RORA: variants seen among roughly 807,000 people sequenced by gnomAD.
The protein encoded by RORA is nuclear receptor ROR-alpha.
In RORA, 7 loss-of-function variants were observed where a neutral mutation model predicts 69.5. The observed-to-expected ratio is 0.10, with a 90% CI of 0.06 to 0.19. The LOEUF is 0.19. Ranked by LOEUF, RORA falls within the 10% of genes least tolerant of loss-of-function variation. The pLI, the probability that RORA is intolerant of heterozygous loss-of-function variation, is 1.00. For synonymous variants in RORA, 261 were observed against 240.8 expected (o/e 1.08, Z -0.78); for missense variants, 457 against 663.0 (o/e 0.69, Z 3.41).
chr15:60,554,651 A>G (rs900268464), intron 2 of RORA, among the ~76,000 whole-genome samples: 1 of 152,200 alleles, frequency 6.6e-6, no homozygotes, highest in African/African-American at 2.4e-5. Context: ...ATTATCCTAG[A>G]ACTCTAGCTA....
At chr15:60,814,626 G>A (rs2072785175) in intron 1 of RORA, among the ~76,000 whole-genome samples, 1 of 152,122 alleles carries the variant, frequency 6.6e-6, no homozygotes. Context: ...GGATGCTGAG[G>A]AATTGCTGGG....
At position 61,165,805 on chromosome 15, in the gene RORA, G is replaced by C. The variant is rs530757453; in HGVS notation, c.166+63248C>G. 2.0e-5 allele frequency among the ~76,000 whole-genome samples: 3 copies of C among 152,314 alleles called. No homozygotes were observed. The South Asian group carries it at 6.2e-4, about 32-fold the overall frequency. On this transcript the variant is annotated intron_variant, in intron 1 of 10. Coordinates refer to ENST00000335670, the MANE Select transcript of RORA (RefSeq NM_134261.3). ...GGCATGTGGAAATCTCAAACACAGAGGCCTGCCTTACAAACATTAATAATA... is the reference window on the plus strand; with the variant it reads ...GGCATGTGGAAATCTCAAACACAGACGCCTGCCTTACAAACATTAATAATA...
rs1048847205 is a variant in RORA, at chr15:60,489,761, C to G, written c.*7694G>C. On this transcript the variant is annotated 3_prime_UTR_variant, in exon 11 of 11. Transcript: ENST00000335670. ...AAGGTTTATTCTGCCATCAAGCCAT[C>G]TAGGATATTTTATGTAAATGCCCAT... 2 of 152,062 alleles carry G rather than the reference C, an allele frequency of 1.3e-5. No homozygotes were observed. The highest frequency in any genetic ancestry group is 2.9e-5 in the Non-Finnish European group (2 of 68,012). 9.4% of individuals were successfully genotyped at this position (152,062 alleles called of 1,614,324 possible).
rs574600877 is a variant in RORA at position 61,117,422 on chromosome 15, A to T, written c.166+111631T>A. Reference sequence around the variant, plus strand: ...TTTTTACTTTAATCCAATTCTTTCCACTCCTACAAATTGCTGAACTTGTAC... The same window carrying T: ...TTTTTACTTTAATCCAATTCTTTCCTCTCCTACAAATTGCTGAACTTGTAC... On this transcript the variant is annotated intron_variant, in intron 1 of 10. Coordinates refer to ENST00000335670, the MANE Select transcript of RORA (RefSeq NM_134261.3). 8.5e-5 allele frequency among the ~76,000 whole-genome samples: 13 copies of T among 152,194 alleles called. 1 individual carries two copies. Among genetic ancestry groups the T allele is most frequent in the Admixed American group, 5.2e-4 (8 of 15,294 alleles).
chr15:61,189,627 G>T (rs1206119504), intron 1 of RORA, among the ~76,000 whole-genome samples: 1 of 152,038 alleles, frequency 6.6e-6, no homozygotes, highest in African/African-American at 2.4e-5. Flanking sequence ...GGAGGCCGAG[G>T]TAGGCAGATC....
At chr15:60,819,426 A>G (rs1469304222) in intron 1 of RORA, among the ~76,000 whole-genome samples, 1 of 152,196 alleles carries the variant, frequency 6.6e-6, no homozygotes, top group East Asian at 1.9e-4. Context: ...TCTCCTGAAA[A>G]TACTAGGTAA....
chr15:61,110,506 A>G (rs981087061), intron 1 of RORA, among the ~76,000 whole-genome samples: 28 of 152,164 alleles, frequency 1.8e-4, no homozygotes, highest in Middle Eastern at 3.4e-3. Flanking sequence ...TCATATTGTC[A>G]TTTTAGAGTG....
intron 1 of RORA, among the ~76,000 whole-genome samples, chr15:60,758,534 CCT>C (rs1277455233): frequency 6.6e-6 from 1 of 152,070 alleles, no homozygotes; most frequent in East Asian, 1.9e-4. Flanking sequence ...AGGCTGGAGA[CCT>C]CTCTGTTTTC....
intron 1 of RORA, among the ~76,000 whole-genome samples, chr15:60,732,858 C>G (rs1469976940): frequency 6.6e-6 from 1 of 151,510 alleles, no homozygotes; most frequent in East Asian, 1.9e-4. Context: ...TCTATAAAGA[C>G]TATCCTGTTA....
intron 1 of RORA, among the ~76,000 whole-genome samples, chr15:60,996,663 C>T (rs962714671): frequency 6.6e-5 from 10 of 152,140 alleles, no homozygotes; most frequent in African/African-American, 2.4e-4. Context: ...GTAATCCCAG[C>T]ACTTTAGGAG....
chr15:60,919,911 T>C (rs1595816943), intron 1 of RORA, among the ~76,000 whole-genome samples: 1 of 152,222 alleles, frequency 6.6e-6, no homozygotes, highest in East Asian at 1.9e-4. Flanking sequence ...AATAAACAAA[T>C]AATAATCTTC....
rs538144831 is a variant in RORA at position 60,805,818 on chromosome 15, A to C, written c.167-127132T>G. 2.6e-5 allele frequency among the ~76,000 whole-genome samples: 4 copies of C among 152,316 alleles called. No homozygotes were observed. In the East Asian group the frequency reaches 7.7e-4, roughly 29 times the overall value. On this transcript the variant is annotated intron_variant, in intron 1 of 10. Transcript: ENST00000335670. ...GTGTCAGTTTCCAATTCTGCCAACT[A>C]AGAGGGTCATTTCAATGCCTTCCAA... is the stretch of plus-strand genomic sequence containing the variant.
intron 1 of RORA, among the ~76,000 whole-genome samples, chr15:60,861,602 C>T (rs1249404024): frequency 1.3e-5 from 2 of 152,172 alleles, no homozygotes; most frequent in East Asian, 1.9e-4. Flanking sequence ...GATCTCTCTG[C>T]CTTAGCCTCA....
intron 1 of RORA, among the ~76,000 whole-genome samples, chr15:60,809,235 T>G (rs1431835546): frequency 6.6e-6 from 1 of 152,164 alleles, no homozygotes; most frequent in East Asian, 1.9e-4. Context: ...ATTCCACACA[T>G]CCTAAAAATG....
At chr15:61,119,563 C>G (rs896543224) in intron 1 of RORA, among the ~76,000 whole-genome samples, 1 of 151,914 alleles carries the variant, frequency 6.6e-6, no homozygotes, top group African/African-American at 2.4e-5. Context: ...CCTGTCATGG[C>G]CCCCCAAAAT....
In RORA at chr15:60,883,150, A is replaced by AG. The variant is rs1567224618; in HGVS notation, c.167-204465_167-204464insC. Among the ~76,000 whole-genome samples, 6 of 48,622 alleles carry AG rather than the reference A, an allele frequency of 1.2e-4. No homozygotes were observed. In the East Asian group the frequency reaches 5.7e-3, roughly 46 times the overall value. 31.9% of individuals were successfully genotyped at this position (48,622 alleles called of 152,430 possible). On this transcript the variant is annotated intron_variant, in intron 1 of 10. Coordinates refer to ENST00000335670, the MANE Select transcript of RORA (RefSeq NM_134261.3). ...CGTCTCAAAAAAAAAAAAAAAAAAAAAGAAAGAGAGAGAGAGAGAGAGAGA... is the reference window on the plus strand; with the variant it reads ...CGTCTCAAAAAAAAAAAAAAAAAAAAGAGAAAGAGAGAGAGAGAGAGAGAGA...
At chr15:61,040,483 A>G (rs28648966) in intron 1 of RORA, among the ~76,000 whole-genome samples, 42,704 of 151,702 alleles carry the variant, frequency 0.28, 7,496 homozygotes, top group East Asian at 0.6. Context: ...TACATGTAAT[A>G]CTGATCTTTT....
At position 61,006,364 on chromosome 15, in the gene RORA, CTCTTT is replaced by C. The variant is rs544329518; in HGVS notation, c.166+222684_166+222688del. Among the ~76,000 whole-genome samples, 44 of 152,174 alleles carry C rather than the reference CTCTTT, an allele frequency of 2.9e-4. 1 individual carries two copies. Among genetic ancestry groups the C allele is most frequent in the African/African-American group, 1.0e-3 (43 of 41,512 alleles). ...ACTAAGAAAAAACTGCAATTAGCTT[CTCTTT>C]TGAGATGTTATTCTGATTATGATTA... On this transcript the variant is annotated intron_variant, in intron 1 of 10. Coordinates refer to ENST00000335670, the MANE Select transcript of RORA (RefSeq NM_134261.3).
chr15:61,098,312 T>A (rs1420840567), intron 1 of RORA, among the ~76,000 whole-genome samples: 1 of 141,586 alleles, frequency 7.1e-6, no homozygotes, highest in Admixed American at 7.1e-5. Flanking sequence ...TCCCTCCCTC[T>A]CTGTCTCCCT....
Sources: allele counts gnomAD v4.1 joint callset (sites outside exome capture counted in the v4.1 genomes callset), GRCh38; gene constraint gnomAD v4.1.1; transcripts MANE v1.5; gene names NCBI Gene and HGNC (gene_info 2026-07-23, HGNC 2026-07-21).